The following DHRS9 variants were observed in gnomAD, a reference collection of about 807,000 sequenced individuals.
DHRS9 encodes dehydrogenase/reductase SDR family member 9.
DHRS9 carries 18 observed loss-of-function variants against 26.6 expected under a neutral mutation model. The observed-to-expected ratio is 0.68, with a 90% confidence interval of 0.47 to 1.00. The LOEUF (loss-of-function observed/expected upper bound fraction) is 1.00. DHRS9 is among the 50% of genes least tolerant of loss of function. The pLI is 0.00. For synonymous variants in DHRS9, 134 were observed against 141.1 expected, an observed-to-expected ratio of 0.95 and a Z score of 0.36; for missense variants, 425 against 378.7, an observed-to-expected ratio of 1.12 and a Z score of -1.01.
intron 4 of DHRS9, among the ~76,000 whole-genome samples, chr2:169,094,630 C>G (rs1229993402): frequency 6.6e-6 from 1 of 151,872 alleles, no homozygotes; most frequent in Non-Finnish European, 1.5e-5. Context: ...GATCTTCCCA[C>G]CTCAGCCTCC....
At chr2:169,079,095 C>A (rs558625545) in intron 1 of DHRS9, among the ~76,000 whole-genome samples, 17 of 152,160 alleles carry the variant, frequency 1.1e-4, no homozygotes, top group Non-Finnish European at 1.5e-4. Context: ...GATCTGCCCC[C>A]CTCTGCCTCC....
At chr2:169,085,529 T>G (rs1684324288) in intron 3 of DHRS9, among the ~76,000 whole-genome samples, 2 of 152,190 alleles carry the variant, frequency 1.3e-5, no homozygotes, top group South Asian at 4.1e-4. Context: ...ATAGTTTTTA[T>G]TGCAGAGAGC....
intron 2 of DHRS9, among the ~76,000 whole-genome samples, chr2:169,082,114 T>A (rs1684210417): frequency 6.6e-6 from 1 of 152,256 alleles, no homozygotes; most frequent in South Asian, 2.1e-4. Context: ...TGGGCCTAAG[T>A]CTCAGTGGGT....
intron 1 of DHRS9, chr2:169,070,046 GA>G (rs769223261): frequency 3.0e-5 from 29 of 958,542 alleles, no homozygotes; most frequent in Non-Finnish European, 3.5e-5. Flanking sequence ...TGATTAATTG[GA>G]AACTGGAGGG....
intron 1 of DHRS9, among the ~76,000 whole-genome samples, chr2:169,072,165 G>T (rs1180147186): frequency 6.6e-6 from 1 of 152,098 alleles, no homozygotes; most frequent in Non-Finnish European, 1.5e-5. Context: ...TCAGTATTCA[G>T]AAAGCCATGC....
intron 3 of DHRS9, among the ~76,000 whole-genome samples, chr2:169,084,033 T>C (rs1422784543): frequency 6.6e-6 from 1 of 152,158 alleles, no homozygotes; most frequent in Non-Finnish European, 1.5e-5. Context: ...CTCTACTTTC[T>C]GTCTCCATGA....
At chr2:169,071,236 T>C (rs937604994) in intron 1 of DHRS9, among the ~76,000 whole-genome samples, 13 of 152,232 alleles carry the variant, frequency 8.5e-5, no homozygotes, top group African/African-American at 2.9e-4. Flanking sequence ...ACACAACATA[T>C]AATCTTTCCC....
chr2:169,081,341 T>C (rs755182120), intron 1 of DHRS9, among the ~76,000 whole-genome samples, 182 bp from the exon 2 acceptor site: 46 of 152,214 alleles, frequency 3.0e-4, no homozygotes, highest in Non-Finnish European at 4.8e-4. Context: ...TGCATTACTT[T>C]AGAGGAACGA....
At chr2:169,071,878 T>A (rs926891946) in intron 1 of DHRS9, among the ~76,000 whole-genome samples, 1 of 152,076 alleles carries the variant, frequency 6.6e-6, no homozygotes, top group African/African-American at 2.4e-5. Context: ...ATTAAAAAAT[T>A]TTTTTTTCAG....
At chr2:169,086,279 A>T (rs1684347742) in intron 3 of DHRS9, among the ~76,000 whole-genome samples, 1 of 151,802 alleles carries the variant, frequency 6.6e-6, no homozygotes, top group Non-Finnish European at 1.5e-5. Flanking sequence ...AGACTGACTC[A>T]TTCTTTATTA....
At position 169,091,833 on chromosome 2, in the gene DHRS9, C is replaced by A. The variant is rs1228885593; in HGVS notation, c.616C>A (p.Pro206Thr). The A allele has an allele frequency of 6.2e-7, 1 of 1,613,790 alleles. No homozygotes were observed. Among genetic ancestry groups the A allele is most frequent in the African/African-American group, 1.3e-5 (1 of 74,854 alleles). The change falls in exon 4 of 5, where the codon CCA (proline) becomes ACA (threonine). Residue 206 changes from proline to threonine, a missense_variant. Pro to Thr is a conservative substitution (Grantham distance 38). Coordinates refer to ENST00000674881, the MANE Select transcript of DHRS9 (RefSeq NM_001376924.1). ...TGGTGTGCACGTCTCATGCATTGAA[C>A]CAGGATTGTTCAAAACAAACTTGGC... ...AFGVHVSCIE[P>T]GLFKTNLADP...
chr2:169,071,073 A>AC (rs1232198179), intron 1 of DHRS9, among the ~76,000 whole-genome samples: 4 of 151,626 alleles, frequency 2.6e-5, no homozygotes, highest in South Asian at 4.1e-4. Context: ...CAAAAAAAAA[A>AC]AACAACAACA....
intron 3 of DHRS9, among the ~76,000 whole-genome samples, chr2:169,086,177 T>C (rs558744688): frequency 1.3e-5 from 2 of 152,200 alleles, no homozygotes; most frequent in African/African-American, 2.4e-5. Context: ...TTCTTTTTTT[T>C]TTCTTTTGTC....
intron 4 of DHRS9, among the ~76,000 whole-genome samples, chr2:169,093,736 G>T (rs565751276): frequency 6.6e-6 from 1 of 152,322 alleles, no homozygotes; most frequent in South Asian, 2.1e-4. Context: ...GAGTTTTCAA[G>T]TCAGGACTTG....
At chr2:169,079,220 G>A (rs1684066628) in intron 1 of DHRS9, among the ~76,000 whole-genome samples, 1 of 151,910 alleles carries the variant, frequency 6.6e-6, no homozygotes, top group Middle Eastern at 3.4e-3. Flanking sequence ...TAAAAGCAGA[G>A]CCCGAAATTT....
chr2:169,071,075 AC>A (rs1483756606), intron 1 of DHRS9, among the ~76,000 whole-genome samples: 56 of 119,600 alleles, frequency 4.7e-4, no homozygotes, highest in African/African-American at 1.5e-3. Flanking sequence ...AAAAAAAAAA[AC>A]AACAACAACA....
At chr2:169,085,398 T>C (rs1485005725) in intron 3 of DHRS9, among the ~76,000 whole-genome samples, 1 of 152,198 alleles carries the variant, frequency 6.6e-6, no homozygotes, top group Non-Finnish European at 1.5e-5. Flanking sequence ...AGGAATTGCA[T>C]TGAATCTGTA....
chr2:169,081,530 T>A lies in DHRS9; in HGVS notation c.-52T>A, dbSNP rs1174059908. ...TTCACTTTGAACACTCAGGACACCA[T>A]CTTCTTGTATTATACAAGAAAGGAG... On this transcript the variant is annotated 5_prime_UTR_variant, in exon 2 of 5. Transcript: ENST00000674881. The A allele has an allele frequency of 1.3e-5, 20 of 1,567,716 alleles. No homozygotes were observed. The highest frequency in any genetic ancestry group is 1.6e-5 in the Non-Finnish European group (19 of 1,161,198).
At chr2:169,068,545 C>G (rs1683711752), upstream of DHRS9, among the ~76,000 whole-genome samples, 1 of 152,082 alleles carries the variant, frequency 6.6e-6, no homozygotes, top group African/African-American at 2.4e-5. Context: ...AGGCTAGTCT[C>G]AAACTTCTGA....
Sources: gnomAD v4.1 joint callset for allele counts (sites outside exome capture counted in the v4.1 genomes callset) on GRCh38, gnomAD v4.1.1 for gene constraint, MANE v1.5 for transcripts, NCBI Gene and HGNC (gene_info 2026-07-23, HGNC 2026-07-21) for gene names.